CAPZA1: variants seen among roughly 807,000 people sequenced by gnomAD.
CAPZA1 encodes the protein capping actin protein of muscle Z-line subunit alpha 1, also known as F-actin-capping protein subunit alpha-1.
A neutral mutation model predicts 40.8 loss-of-function variants in CAPZA1; 10 were observed. The observed-to-expected ratio is 0.25, with a 90% CI of 0.15 to 0.42. CAPZA1 has a LOEUF of 0.42. Among genes scored for constraint, CAPZA1 ranks in the 10% least tolerant of loss-of-function variants. The pLI, the probability that CAPZA1 is intolerant of heterozygous loss-of-function variation, is 1.00. For missense variants in CAPZA1, 277 were observed against 353.8 expected, an observed-to-expected ratio of 0.78 and a Z score of 1.74; for synonymous variants, 98 against 115.0, an observed-to-expected ratio of 0.85 and a Z score of 0.95.
chr1:112,641,218 TAAAA>T (rs60734941), intron 1 of CAPZA1, among the ~76,000 whole-genome samples: 3 of 145,286 alleles, frequency 2.1e-5, no homozygotes, highest in Non-Finnish European at 4.5e-5. Context: ...GAATGATCAA[TAAAA>T]AAAAAAATAA....
rs549769041 is a variant in CAPZA1 at position 112,635,004 on chromosome 1, C to T, written c.40-12206C>T. ...TTGTAAATATTTACTCATTGCCTGC[C>T]ATGTGTAATTTAATTTGCTAGACCC... On this transcript the variant is annotated intron_variant, in intron 1 of 9. Coordinates refer to ENST00000263168, the MANE Select transcript of CAPZA1 (RefSeq NM_006135.3). Among the ~76,000 whole-genome samples the T allele has an allele frequency of 7.2e-5, 11 of 152,172 alleles. No individual in the cohort carries two copies. The South Asian group carries it at 1.9e-3, about 26-fold the overall frequency.
rs770922422 is a variant in CAPZA1, at chr1:112,644,678, A to C, written c.40-2532A>C. ...TTCTTTGCCCTACCTTAGGGAGTTG[A>C]ATCATCTTCATACTCATTATTACAT... On this transcript the variant is annotated intron_variant, in intron 1 of 9. Coordinates refer to ENST00000263168, the MANE Select transcript of CAPZA1 (RefSeq NM_006135.3). Among the ~76,000 whole-genome samples the C allele has an allele frequency of 1.2e-3, 190 of 152,134 alleles. 1 individual carries two copies. Among genetic ancestry groups the C allele is most frequent in the Non-Finnish European group, 2.3e-3 (156 of 68,024 alleles).
intron 1 of CAPZA1, among the ~76,000 whole-genome samples, chr1:112,624,772 G>A (rs1670773858): frequency 6.6e-6 from 1 of 152,110 alleles, no homozygotes; most frequent in African/African-American, 2.4e-5. Context: ...ATCTAAAATA[G>A]AGAAGTAGGG....
intron 1 of CAPZA1, among the ~76,000 whole-genome samples, chr1:112,639,674 T>C (rs977145942): frequency 6.6e-6 from 1 of 152,048 alleles, no homozygotes; most frequent in African/African-American, 2.4e-5. Context: ...GTAGCTTTTA[T>C]CTTTCTTTAT....
At chr1:112,658,876 T>C in intron 5 of CAPZA1, 146 bp from the exon 6 acceptor site, 1 of 615,686 alleles carries the variant, frequency 1.6e-6, no homozygotes, top group African/African-American at 1.8e-5. Context: ...TTTGTTTTCA[T>C]ATCCCATGTG....
At chr1:112,631,064 C>T (rs1670908413) in intron 1 of CAPZA1, among the ~76,000 whole-genome samples, 1 of 152,162 alleles carries the variant, frequency 6.6e-6, no homozygotes. Flanking sequence ...AGGTGGAACC[C>T]ATATGTCAAT....
rs1241103544 is a variant in CAPZA1 at position 112,670,200 on chromosome 1, A to C, written c.*68A>C. ...TCAACGTGTGGTCATATGATAAATAAGTGATTTATAAACAAGAGTGATATT... is the reference window on the plus strand; with the variant it reads ...TCAACGTGTGGTCATATGATAAATACGTGATTTATAAACAAGAGTGATATT... On this transcript the variant is annotated 3_prime_UTR_variant, in exon 10 of 10. Coordinates refer to ENST00000263168, the MANE Select transcript of CAPZA1 (RefSeq NM_006135.3). 1.9e-6 allele frequency: 3 copies of C among 1,566,158 alleles called. No homozygotes were observed. The highest frequency in any genetic ancestry group is 2.6e-6 in the Non-Finnish European group (3 of 1,144,004).
chr1:112,666,084 C>T (rs921305671), intron 7 of CAPZA1, among the ~76,000 whole-genome samples: 4 of 152,118 alleles, frequency 2.6e-5, no homozygotes, highest in African/African-American at 9.7e-5. Flanking sequence ...GTGATCCTCC[C>T]GTCTTAGCCT....
At chr1:112,630,742 G>A (rs1670904541) in intron 1 of CAPZA1, among the ~76,000 whole-genome samples, 1 of 152,146 alleles carries the variant, frequency 6.6e-6, no homozygotes, top group African/African-American at 2.4e-5. Flanking sequence ...CAAAGTGCTG[G>A]GATTACAGGC....
At chr1:112,664,763 C>T (rs750745847) in intron 7 of CAPZA1, among the ~76,000 whole-genome samples, 47 of 152,078 alleles carry the variant, frequency 3.1e-4, no homozygotes, top group Non-Finnish European at 1.5e-4. Flanking sequence ...GGTGAAACCT[C>T]GTCTCTACTA....
At chr1:112,646,453 T>C (rs1671283300) in intron 1 of CAPZA1, among the ~76,000 whole-genome samples, 1 of 152,204 alleles carries the variant, frequency 6.6e-6, no homozygotes, top group African/African-American at 2.4e-5. Flanking sequence ...GGCACATGCC[T>C]GTGGCCCCAG....
In CAPZA1 at chr1:112,670,179, C is replaced by T. The variant is rs780975520; in HGVS notation, c.*47C>T. 1.4e-5 allele frequency: 23 copies of T among 1,601,056 alleles called. No homozygotes were observed. Among genetic ancestry groups the T allele is most frequent in the South Asian group, 2.2e-5 (2 of 90,482 alleles). ...AGTATGTGGAAAGACAAGGATTCAA[C>T]GTGTGGTCATATGATAAATAAGTGA... On this transcript the variant is annotated 3_prime_UTR_variant, in exon 10 of 10. Coordinates refer to ENST00000263168, the MANE Select transcript of CAPZA1 (RefSeq NM_006135.3).
chr1:112,642,275 G>A (rs949759177), intron 1 of CAPZA1, among the ~76,000 whole-genome samples: 137 of 127,954 alleles, frequency 1.1e-3, no homozygotes, highest in Non-Finnish European at 1.7e-3. Context: ...GTGCAGTGGC[G>A]CAATCTTGAC....
At chr1:112,638,599 G>C (rs553109834) in intron 1 of CAPZA1, among the ~76,000 whole-genome samples, 2 of 151,994 alleles carry the variant, frequency 1.3e-5, no homozygotes, top group Non-Finnish European at 2.9e-5. Flanking sequence ...ACAGGCGTGA[G>C]CCACCACACC....
chr1:112,660,828 CA>C (rs1424231155), intron 7 of CAPZA1, among the ~76,000 whole-genome samples: 1 of 148,690 alleles, frequency 6.7e-6, no homozygotes, highest in Non-Finnish European at 1.5e-5. Flanking sequence ...CAACAATTAC[CA>C]AGAGTTGTCT....
At chr1:112,665,111 AC>A (rs1671697944) in intron 7 of CAPZA1, among the ~76,000 whole-genome samples, 1 of 151,742 alleles carries the variant, frequency 6.6e-6, no homozygotes, top group East Asian at 1.9e-4. Flanking sequence ...ATCCCTCAAA[AC>A]ATTCTGTTTT....
intron 7 of CAPZA1, 23 bp from the exon 8 acceptor site, chr1:112,667,051 G>A: frequency 3.2e-6 from 5 of 1,579,770 alleles, no homozygotes; most frequent in African/African-American, 1.3e-5. Context: ...CCCCTAAAAA[G>A]GCTCAAACAT....
rs1186989966 is a variant in CAPZA1, at chr1:112,671,375, G to T, written c.*1243G>T. 6.6e-6 allele frequency: 1 copy of T among 152,592 alleles called. No individual in the cohort carries two copies. Among genetic ancestry groups the T allele is most frequent in the Non-Finnish European group, 1.5e-5 (1 of 68,038 alleles). 9.5% of individuals were successfully genotyped at this position (152,592 alleles called of 1,614,324 possible). A position where few individuals can be genotyped will look rare whatever the true frequency, so the allele number is the denominator to read the frequency against. ...GGTCAGTTTTTTAAAAAACCAAGTA[G>T]TGTCTTCCTACCTATCTCCAGATAC... On this transcript the variant is annotated 3_prime_UTR_variant, in exon 10 of 10. Transcript: ENST00000263168.
At chr1:112,635,391 G>A (rs1670994700) in intron 1 of CAPZA1, among the ~76,000 whole-genome samples, 1 of 152,080 alleles carries the variant, frequency 6.6e-6, no homozygotes, top group Admixed American at 6.6e-5. Flanking sequence ...TACAAAACTG[G>A]GGTGGTATAA....
Sources: allele counts gnomAD v4.1 joint callset (sites outside exome capture counted in the v4.1 genomes callset), GRCh38; gene constraint gnomAD v4.1.1; transcripts MANE v1.5; gene names NCBI Gene and HGNC (gene_info 2026-07-23, HGNC 2026-07-21).